The following ALDH1L1 variants were observed in gnomAD, a reference collection of about 807,000 sequenced individuals.
ALDH1L1 encodes aldehyde dehydrogenase 1 family member L1.
In ALDH1L1, 68 loss-of-function variants were observed where a neutral mutation model predicts 101.1. That is an observed-to-expected ratio of 0.67 (90% CI 0.55 to 0.82). The LOEUF (loss-of-function observed/expected upper bound fraction) is 0.82. ALDH1L1 is among the 40% of genes least tolerant of loss of function. The probability of loss-of-function intolerance (pLI) is 0.00; values close to 1 mark genes in which losing one functional copy is unlikely to be tolerated. For synonymous variants in ALDH1L1, 486 were observed against 470.8 expected (o/e 1.03, Z -0.42); for missense variants, 1,087 against 1,172.7 (o/e 0.93, Z 1.07).
chr3:126,157,667 T>A (rs1317930695), intron 3 of ALDH1L1, among the ~76,000 whole-genome samples, 159 bp from the exon 4 acceptor site: 2 of 152,128 alleles, frequency 1.3e-5, no homozygotes, highest in African/African-American at 2.4e-5. Flanking sequence ...GAAAACAGCA[T>A]GTATTGATAA....
chr3:126,162,471 T>C (rs2081080048), intron 1 of ALDH1L1, among the ~76,000 whole-genome samples: 1 of 152,226 alleles, frequency 6.6e-6, no homozygotes, highest in Admixed American at 6.5e-5. Flanking sequence ...TATCCTTTTG[T>C]GGGAATCATC....
At chr3:126,111,436 A>G (rs2108182825) in intron 19 of ALDH1L1, among the ~76,000 whole-genome samples, 1 of 152,282 alleles carries the variant, frequency 6.6e-6, no homozygotes. Flanking sequence ...CCTGAGTCTC[A>G]CTGCAGATGT....
chr3:126,169,685 C>G (rs1338457282), intron 1 of ALDH1L1, among the ~76,000 whole-genome samples: 1 of 152,168 alleles, frequency 6.6e-6, no homozygotes, highest in African/African-American at 2.4e-5. Context: ...CTGGGCTTGG[C>G]TTTAACAACT....
intron 6 of ALDH1L1, 151 bp from the exon 7 acceptor site, chr3:126,153,732 G>T: frequency 1.9e-6 from 2 of 1,034,232 alleles, no homozygotes; most frequent in Non-Finnish European, 2.7e-6. Context: ...GACCCCTGAG[G>T]CCCTTTCTCC....
chr3:126,132,866 C>T (rs1488701234), intron 12 of ALDH1L1, among the ~76,000 whole-genome samples: 3 of 152,222 alleles, frequency 2.0e-5, no homozygotes, highest in African/African-American at 7.2e-5. Context: ...CTCTCTGCAG[C>T]GCCCAGCTCC....
chr3:126,160,398 G>C (rs1391092465), intron 2 of ALDH1L1: 1 of 156,162 alleles, frequency 6.4e-6, no homozygotes, highest in Non-Finnish European at 1.4e-5. Context: ...GACTCGCCCT[G>C]GGAAAACCAC....
At chr3:126,114,889 C>T in intron 17 of ALDH1L1, 1 of 584,764 alleles carries the variant, frequency 1.7e-6, no homozygotes, top group Admixed American at 2.2e-5. Flanking sequence ...GACTGCCCTT[C>T]CTGCTGCCCA....
chr3:126,192,692 T>G (rs1545381), intron 1 of ALDH1L1, among the ~76,000 whole-genome samples: 97,384 of 152,074 alleles, frequency 0.64, 31,300 homozygotes, highest in African/African-American at 0.69. Context: ...AACTGGACAG[T>G]TTCCGACATG....
rs373134233 is a variant in ALDH1L1, at chr3:126,107,105, A to G, written c.2453+36T>C. The G allele has an allele frequency of 1.4e-5, 22 of 1,573,044 alleles. 1 individual carries two copies. The highest frequency in any genetic ancestry group is 8.9e-5 in the East Asian group (4 of 44,694). On this transcript the variant is annotated intron_variant, in intron 21 of 22. Transcript: ENST00000393434. ...AAGACCCCAGTAACACGTGGGAGAG[A>G]GTCAGGGCCCTTGAGACATCAGCAG...
At chr3:126,171,408 G>A (rs145041203) in intron 1 of ALDH1L1, among the ~76,000 whole-genome samples, 1 of 152,156 alleles carries the variant, frequency 6.6e-6, no homozygotes, top group Non-Finnish European at 1.5e-5. Flanking sequence ...AGACACAGAA[G>A]CAGTCCAAGC....
chr3:126,170,868 G>A (rs974628606), intron 1 of ALDH1L1, among the ~76,000 whole-genome samples: 3 of 152,188 alleles, frequency 2.0e-5, no homozygotes, highest in African/African-American at 7.2e-5. Context: ...GGGACACAAA[G>A]GGAGGTGGGG....
In ALDH1L1 at chr3:126,195,672, T is replaced by C. The variant is rs184260274; in HGVS notation, c.-24+2063A>G. Among the ~76,000 whole-genome samples, 17 of 152,376 alleles carry C rather than the reference T, an allele frequency of 1.1e-4. No homozygotes were observed. In the East Asian group the frequency reaches 3.1e-3, roughly 28 times the overall value. ...AAAGGCACATGCACACATATATTTA[T>C]TGTGGCACTATTCACAATAGCAAAG... is the stretch of plus-strand genomic sequence containing the variant. On this transcript the variant is annotated intron_variant, in intron 1 of 2. Transcript: ENST00000509952.
chr3:126,128,954 C>A (rs1181764426), intron 14 of ALDH1L1: 1 of 152,288 alleles, frequency 6.6e-6, no homozygotes, highest in Admixed American at 6.5e-5. Context: ...CCAGCCCAGC[C>A]CCTTTCAAAG....
At chr3:126,159,244 A>ACACC (rs1324514674) in intron 2 of ALDH1L1, 3 of 364,428 alleles carry the variant, frequency 8.2e-6, no homozygotes, top group African/African-American at 4.3e-5. Flanking sequence ...ACACACACAC[A>ACACC]CACCCCAGAG....
At chr3:126,175,669 G>A (rs1446228952) in intron 1 of ALDH1L1, among the ~76,000 whole-genome samples, 4 of 152,128 alleles carry the variant, frequency 2.6e-5, no homozygotes, top group Non-Finnish European at 5.9e-5. Flanking sequence ...AGAGCTTTCA[G>A]CAAGCTAGTA....
chr3:126,141,761 CA>C (rs1177881594), intron 9 of ALDH1L1, among the ~76,000 whole-genome samples: 1 of 151,720 alleles, frequency 6.6e-6, no homozygotes, highest in East Asian at 1.9e-4. Context: ...ATAAAGTCCT[CA>C]AATCAGTAAC....
chr3:126,136,972 CCCAGGGGCCT>C, intron 10 of ALDH1L1, 89 bp from the exon 11 acceptor site: 1 of 1,523,262 alleles, frequency 6.6e-7, no homozygotes, highest in East Asian at 2.3e-5. Flanking sequence ...ACACACACTG[CCCAGGGGCCT>C]CCTGGGGCTT....
chr3:126,178,078 G>A (rs1254767719), intron 1 of ALDH1L1, among the ~76,000 whole-genome samples: 2 of 150,692 alleles, frequency 1.3e-5, no homozygotes, highest in Admixed American at 6.6e-5. Context: ...TCCTATCAAT[G>A]CATGATGTTA....
chr3:126,196,760 G>A (rs2108357158), intron 1 of ALDH1L1, among the ~76,000 whole-genome samples: 1 of 152,284 alleles, frequency 6.6e-6, no homozygotes, highest in Non-Finnish European at 1.5e-5. Context: ...TCATGGATGG[G>A]AAGAAAATCA....
Sources: allele counts gnomAD v4.1 joint callset (sites outside exome capture counted in the v4.1 genomes callset), GRCh38; gene constraint gnomAD v4.1.1; transcripts MANE v1.5; gene names NCBI Gene and HGNC (gene_info 2026-07-23, HGNC 2026-07-21).